Variants in DAB1 observed in about 807,000 individuals in gnomAD.
The protein encoded by DAB1 is disabled homolog 1.
A neutral mutation model predicts 64.6 loss-of-function variants in DAB1; 15 were observed. The ratio of observed to expected loss-of-function variants is 0.23; its 90% CI spans 0.16 to 0.36. The LOEUF (loss-of-function observed/expected upper bound fraction) is 0.36. DAB1 is among the 10% of genes least tolerant of loss of function. The pLI is 1.00. For synonymous variants in DAB1, 235 were observed against 251.9 expected, an observed-to-expected ratio of 0.93 and a Z score of 0.64; for missense variants, 596 against 706.7, an observed-to-expected ratio of 0.84 and a Z score of 1.78.
chr1:57,666,643 C>T (rs1250702834), intron 6 of DAB1, among the ~76,000 whole-genome samples: 1 of 152,160 alleles, frequency 6.6e-6, no homozygotes, highest in Non-Finnish European at 1.5e-5. Flanking sequence ...TTAAATCTCA[C>T]TTCTAATCAA....
At chr1:58,400,851 C>T (rs904113165) in intron 3 of DAB1, among the ~76,000 whole-genome samples, 1 of 152,068 alleles carries the variant, frequency 6.6e-6, no homozygotes, top group Non-Finnish European at 1.5e-5. Context: ...AATAATTACG[C>T]ATTTTGATAT....
intron 3 of DAB1, among the ~76,000 whole-genome samples, chr1:58,426,501 G>T (rs1399789210): frequency 6.6e-6 from 1 of 152,192 alleles, no homozygotes; most frequent in Admixed American, 6.5e-5. Context: ...TCCAGGATCT[G>T]CAGTCAACAA....
intron 4 of DAB1, among the ~76,000 whole-genome samples, chr1:58,212,523 A>G (rs1658610993): frequency 6.6e-6 from 1 of 152,142 alleles, no homozygotes; most frequent in Non-Finnish European, 1.5e-5. Flanking sequence ...TGGTTGGTTT[A>G]CTTTAGGAAG....
chr1:57,807,413 G>A (rs572809094), intron 6 of DAB1, among the ~76,000 whole-genome samples: 3 of 152,142 alleles, frequency 2.0e-5, no homozygotes, highest in African/African-American at 7.2e-5. Flanking sequence ...GTATCACTTG[G>A]AGCAGAGACA....
chr1:58,453,083 C>T (rs1351967786), intron 3 of DAB1, among the ~76,000 whole-genome samples: 1 of 152,172 alleles, frequency 6.6e-6, no homozygotes, highest in African/African-American at 2.4e-5. Flanking sequence ...CAACAACAAA[C>T]AACATGGATG....
intron 5 of DAB1, among the ~76,000 whole-genome samples, chr1:57,992,860 A>T (rs1351422928): frequency 6.6e-6 from 1 of 152,018 alleles, no homozygotes; most frequent in African/African-American, 2.4e-5. Flanking sequence ...CCAGGAAACC[A>T]AATTCCACTT....
At chr1:57,800,699 C>A (rs1442347196) in intron 6 of DAB1, among the ~76,000 whole-genome samples, 2 of 152,156 alleles carry the variant, frequency 1.3e-5, no homozygotes, top group African/African-American at 4.8e-5. Context: ...GCATTAATGG[C>A]AACCTACATC....
At chr1:57,783,736 T>C (rs1650215594) in intron 6 of DAB1, among the ~76,000 whole-genome samples, 2 of 152,218 alleles carry the variant, frequency 1.3e-5, no homozygotes, top group South Asian at 4.1e-4. Flanking sequence ...TCAAAGTTTT[T>C]CATTATTGTT....
rs74678448 is a variant in DAB1, at chr1:57,849,952, G to A, written n.88-23497C>T. On this transcript the variant is annotated intron_variant and non_coding_transcript_variant, in intron 1 of 1. Transcript: ENST00000477280. ...TGTGTAAGGGAGAGATTTTATGTGG[G>A]AAGTGACCCTCGATAGTCCTGAGAA... Among the ~76,000 whole-genome samples the A allele has an allele frequency of 2.0e-3, 310 of 152,226 alleles. 1 individual carries two copies. Among genetic ancestry groups the A allele is most frequent in the Non-Finnish European group, 3.8e-3 (260 of 68,018 alleles).
chr1:57,944,397 C>A (rs190468810), intron 5 of DAB1, among the ~76,000 whole-genome samples: 2 of 152,136 alleles, frequency 1.3e-5, no homozygotes, highest in Non-Finnish European at 2.9e-5. Context: ...CTTAGTCCAC[C>A]CCCACGTTAC....
chr1:57,796,917 T>C (rs1043816726), intron 6 of DAB1, among the ~76,000 whole-genome samples: 3 of 152,186 alleles, frequency 2.0e-5, no homozygotes, highest in African/African-American at 7.2e-5. Flanking sequence ...CTGCAGCCTA[T>C]TGTGATGTTC....
intron 6 of DAB1, among the ~76,000 whole-genome samples, chr1:57,695,381 A>AAAG (rs1557427846): frequency 4.1e-4 from 32 of 77,482 alleles, no homozygotes; most frequent in South Asian, 2.1e-3. Context: ...AGAAAGAAAG[A>AAAG]AAGAAAGAAA....
intron 7 of DAB1, among the ~76,000 whole-genome samples, chr1:57,483,397 C>T (rs987513436): frequency 6.6e-6 from 1 of 151,994 alleles, no homozygotes; most frequent in African/African-American, 2.4e-5. Flanking sequence ...AAGGGGAAAC[C>T]CCTTTCCCTT....
At chr1:58,283,773 C>T (rs527770981) in intron 4 of DAB1, among the ~76,000 whole-genome samples, 8 of 152,344 alleles carry the variant, frequency 5.3e-5, no homozygotes, top group African/African-American at 1.9e-4. Context: ...TTTCCTCCCA[C>T]AAGCTTCATC....
intron 2 of DAB1, among the ~76,000 whole-genome samples, chr1:57,264,741 C>T (rs1230354533): frequency 2.6e-5 from 4 of 152,174 alleles, no homozygotes; most frequent in African/African-American, 9.7e-5. Flanking sequence ...TTCCCTACTA[C>T]CAAAGGTGAG....
chr1:57,964,919 G>A (rs138897696), intron 5 of DAB1, among the ~76,000 whole-genome samples: 1 of 152,140 alleles, frequency 6.6e-6, no homozygotes, highest in Non-Finnish European at 1.5e-5. Flanking sequence ...GACATTATTT[G>A]CTGGGGGAAT....
intron 1 of DAB1, among the ~76,000 whole-genome samples, chr1:57,356,374 G>A (rs1402728287): frequency 2.0e-5 from 3 of 152,072 alleles, no homozygotes; most frequent in Non-Finnish European, 4.4e-5. Context: ...ACAATAAAAA[G>A]TTATGTCAAG....
At chr1:57,069,683 T>C (rs1294524470) in intron 7 of DAB1, among the ~76,000 whole-genome samples, 1 of 152,200 alleles carries the variant, frequency 6.6e-6, no homozygotes, top group Non-Finnish European at 1.5e-5. Flanking sequence ...TTTCTGGAGA[T>C]ATAACCTCTT....
intron 7 of DAB1, among the ~76,000 whole-genome samples, chr1:57,574,473 C>T (rs992364433): frequency 4.3e-4 from 66 of 152,172 alleles, no homozygotes; most frequent in African/African-American, 1.5e-3. Context: ...TCTTAATCCC[C>T]ATTTTTTAGA....
Sources: allele counts gnomAD v4.1 joint callset (sites outside exome capture counted in the v4.1 genomes callset), GRCh38; gene constraint gnomAD v4.1.1; transcripts MANE v1.5; gene names NCBI Gene and HGNC (gene_info 2026-07-23, HGNC 2026-07-21).